UGGT2: variants seen among roughly 807,000 people sequenced by gnomAD.
UGGT2 encodes the protein UDP-glucose:glycoprotein glucosyltransferase 2.
Under a neutral mutation model 192.1 loss-of-function variants are expected in UGGT2, and 180 were observed. That is an observed-to-expected ratio of 0.94 (90% CI 0.83 to 1.06). The LOEUF is 1.06. UGGT2 is among the 50% of genes least tolerant of loss of function. The pLI is 0.00. For missense variants in UGGT2, 1,849 were observed against 1,795.7 expected, an observed-to-expected ratio of 1.03 and a Z score of -0.54; for synonymous variants, 580 against 591.0, an observed-to-expected ratio of 0.98 and a Z score of 0.27.
chr13:96,040,433 G>A (rs1043051578), intron 1 of UGGT2, among the ~76,000 whole-genome samples: 2 of 151,916 alleles, frequency 1.3e-5, no homozygotes, highest in African/African-American at 2.4e-5. Context: ...ATTGGATTTG[G>A]GGCCCATCTA....
Position 95,890,986 on chromosome 13 carries a change from T to C in UGGT2, c.2856-22A>G, listed in dbSNP as rs141100280. The C allele has an allele frequency of 3.9e-4, 599 of 1,535,930 alleles. 1 individual carries two copies. The African/African-American group carries it at 7.5e-3, about 19-fold the overall frequency. Reference sequence around the variant, plus strand: ...AACACTAAGAAAATAGAAAATAAGATGAAAGATGACGTGTTAAGTTTATAC... The same window carrying C: ...AACACTAAGAAAATAGAAAATAAGACGAAAGATGACGTGTTAAGTTTATAC... On this transcript the variant is annotated intron_variant, in intron 24 of 38. Coordinates refer to ENST00000376747, the MANE Select transcript of UGGT2 (RefSeq NM_020121.4).
At chr13:95,834,391 A>G (rs1887061012) in intron 37 of UGGT2, among the ~76,000 whole-genome samples, 1 of 152,094 alleles carries the variant, frequency 6.6e-6, no homozygotes, top group Admixed American at 6.6e-5. Flanking sequence ...GAGGCCAGAA[A>G]TGCTGCTGAA....
chr13:96,013,254 A>G (rs1214389360), intron 5 of UGGT2, 53 bp downstream of exon 5: 2 of 1,486,896 alleles, frequency 1.3e-6, no homozygotes, highest in Non-Finnish European at 1.8e-6. Flanking sequence ...GATTATCATA[A>G]TAATTGTTTT....
chr13:95,944,987 T>G (rs1050639916), intron 15 of UGGT2, among the ~76,000 whole-genome samples: 1 of 151,994 alleles, frequency 6.6e-6, no homozygotes, highest in African/African-American at 2.4e-5. Context: ...ACAACTTTAG[T>G]ACTTTTTCTT....
intron 1 of UGGT2, among the ~76,000 whole-genome samples, chr13:96,047,114 G>A (rs2053337354): frequency 6.6e-6 from 1 of 152,208 alleles, no homozygotes. Context: ...CAGCTTTGAA[G>A]AGAGTGGTGC....
chr13:95,980,124 C>G (rs1008313428), intron 10 of UGGT2, among the ~76,000 whole-genome samples: 6 of 152,096 alleles, frequency 3.9e-5, no homozygotes, highest in Non-Finnish European at 5.9e-5. Flanking sequence ...ATCTAGCAAT[C>G]CCACTACTAG....
chr13:96,038,481 A>G (rs1346869636), intron 1 of UGGT2, among the ~76,000 whole-genome samples: 1 of 152,194 alleles, frequency 6.6e-6, no homozygotes, highest in South Asian at 2.1e-4. Context: ...AGAATGATAT[A>G]TTACTATCCT....
intron 8 of UGGT2, chr13:95,989,609 A>G (rs774868317): frequency 2.2e-5 from 8 of 362,124 alleles, no homozygotes; most frequent in Non-Finnish European, 4.6e-5. Flanking sequence ...CTAAATTTCA[A>G]AAAGAAGAAA....
Position 95,867,360 on chromosome 13 carries a change from TTTGAAGCTG to T in UGGT2, c.3528_3536del (p.Asn1176_Phe1178del). 1.2e-6 allele frequency: 2 copies of T among 1,608,558 alleles called. No individual in the cohort carries two copies. The highest frequency in any genetic ancestry group is 1.7e-6 in the Non-Finnish European group (2 of 1,177,938). ...ATACTTTTACTTTGAGTATCTTGCT[TTTGAAGCTG>T]TTTAATACAACAATGATATCTTCTA... On this transcript the variant is annotated inframe_deletion, in exon 30 of 39. Transcript: ENST00000376747.
chr13:95,876,547 T>C (rs906886097), intron 29 of UGGT2, among the ~76,000 whole-genome samples: 1 of 152,168 alleles, frequency 6.6e-6, no homozygotes, highest in Admixed American at 6.5e-5. Context: ...TGGGTTTTAC[T>C]GGGGTGAGCA....
intron 29 of UGGT2, among the ~76,000 whole-genome samples, chr13:95,871,079 CA>C (rs1036543535): frequency 1.3e-5 from 2 of 151,958 alleles, no homozygotes; most frequent in African/African-American, 2.4e-5. Flanking sequence ...ACCATCTAAA[CA>C]AAAAATGAAT....
chr13:95,972,600 C>A lies in UGGT2; in HGVS notation c.1164G>T (p.Met388Ile). ...CTTACCTAAAAGCGTCATAAACATC[C>A]ATATCAACACGAAGGCCATTTATAA... ...RLFINGLRVD[M>I]DVYDAFSILD... is the part of the protein sequence containing the mutation. The change falls in exon 11 of 39, where the codon ATG becomes ATT. Residue 388 changes from methionine to isoleucine, a missense_variant. Transcript: ENST00000376747. 1 of 1,613,242 alleles carries A rather than the reference C, an allele frequency of 6.2e-7. No individual in the cohort carries two copies. The highest frequency in any genetic ancestry group is 8.5e-7 in the Non-Finnish European group (1 of 1,179,538).
chr13:95,963,553 G>A (rs2140722378), intron 12 of UGGT2, among the ~76,000 whole-genome samples: 1 of 152,172 alleles, frequency 6.6e-6, no homozygotes, highest in East Asian at 1.9e-4. Context: ...GAGCAATCAG[G>A]CAAGAAAAAC....
rs756878852 is a variant in UGGT2 at position 96,053,136 on chromosome 13, G to C, written c.158+19C>G. The C allele has an allele frequency of 2.0e-6, 3 of 1,476,206 alleles. No homozygotes were observed. The highest frequency in any genetic ancestry group is 2.7e-6 in the Non-Finnish European group (3 of 1,116,024). The allele number at this position is 1,476,206 out of a possible 1,614,324, so 91.4% of individuals were successfully genotyped here. ...AGCGCGCCCACACCCGCCCGGACGA[G>C]GGCCCGGCCCGCACCCACCTTGCCT... is the stretch of plus-strand genomic sequence containing the variant. On this transcript the variant is annotated intron_variant, in intron 1 of 38. Coordinates refer to ENST00000376747, the MANE Select transcript of UGGT2 (RefSeq NM_020121.4).
intron 20 of UGGT2, among the ~76,000 whole-genome samples, chr13:95,915,138 C>T (rs1023888807): frequency 6.6e-6 from 1 of 152,152 alleles, no homozygotes; most frequent in African/African-American, 2.4e-5. Flanking sequence ...AGAACCTCTG[C>T]ATCAGCTAGA....
At chr13:95,895,806 C>A (rs2047928893) in intron 22 of UGGT2, among the ~76,000 whole-genome samples, 2 of 151,818 alleles carry the variant, frequency 1.3e-5, no homozygotes, top group African/African-American at 2.4e-5. Context: ...ATAGCAAAAC[C>A]CAAGAGAAAA....
intron 24 of UGGT2, among the ~76,000 whole-genome samples, chr13:95,893,733 C>T (rs1188090788): frequency 6.7e-6 from 1 of 150,032 alleles, no homozygotes; most frequent in African/African-American, 2.4e-5. Context: ...CTTGAGTGAG[C>T]TCAGGGAATC....
chr13:95,939,346 C>T (rs1288605384), intron 16 of UGGT2, among the ~76,000 whole-genome samples: 1 of 152,186 alleles, frequency 6.6e-6, no homozygotes, highest in Non-Finnish European at 1.5e-5. Flanking sequence ...CCCCATACCC[C>T]AGAGCATTCC....
intron 6 of UGGT2, among the ~76,000 whole-genome samples, chr13:95,997,895 T>C (rs1207030341): frequency 1.3e-5 from 2 of 152,158 alleles, no homozygotes; most frequent in Admixed American, 6.5e-5. Flanking sequence ...GAAATCAGAT[T>C]GTGAAAAGCT....
Sources: gnomAD v4.1 joint callset for allele counts (sites outside exome capture counted in the v4.1 genomes callset) on GRCh38, gnomAD v4.1.1 for gene constraint, MANE v1.5 for transcripts, NCBI Gene and HGNC (gene_info 2026-07-23, HGNC 2026-07-21) for gene names.